The following RYR3 variants were observed in gnomAD, a reference collection of about 807,000 sequenced individuals.
The protein encoded by RYR3 is ryanodine receptor 3.
Under a neutral mutation model 584.3 loss-of-function variants are expected in RYR3, and 207 were observed. That is an observed-to-expected ratio of 0.35 (90% CI 0.32 to 0.40). RYR3 has a LOEUF of 0.40. Among genes scored for constraint, RYR3 ranks in the 10% least tolerant of loss-of-function variants. The pLI is 1.00. For synonymous variants in RYR3, 2,416 were observed against 2,248.5 expected (o/e 1.07, Z -2.11); for missense variants, 5,616 against 6,089.2 (o/e 0.92, Z 2.59).
chr15:33,552,671 A>ATG (rs1226776451), intron 10 of RYR3, among the ~76,000 whole-genome samples: 1 of 152,174 alleles, frequency 6.6e-6, no homozygotes, highest in Non-Finnish European at 1.5e-5. Context: ...TTCCCACTGG[A>ATG]TGTCAGGGTT....
intron 43 of RYR3, among the ~76,000 whole-genome samples, chr15:33,708,281 A>G (rs574780109): frequency 6.6e-6 from 1 of 152,348 alleles, no homozygotes; most frequent in African/African-American, 2.4e-5. Flanking sequence ...TCGCCAAATT[A>G]TGTAAATAGA....
intron 8 of RYR3, among the ~76,000 whole-genome samples, chr15:33,545,452 C>T (rs763636428): frequency 6.6e-6 from 1 of 151,898 alleles, no homozygotes; most frequent in Non-Finnish European, 1.5e-5. Flanking sequence ...TGAAGGTGAC[C>T]TTTCTTTAGC....
chr15:33,728,799 A>G (rs1436722581), intron 46 of RYR3, 58 bp from the exon 47 acceptor site: 2 of 1,515,154 alleles, frequency 1.3e-6, no homozygotes, highest in African/African-American at 2.8e-5. Flanking sequence ...GCTCTGTGTT[A>G]TCTTTTGAGA....
intron 1 of RYR3, among the ~76,000 whole-genome samples, chr15:33,429,113 T>A (rs2044900632): frequency 1.3e-5 from 2 of 152,144 alleles, no homozygotes; most frequent in Non-Finnish European, 2.9e-5. Flanking sequence ...CTTCGTCTTC[T>A]CATACTCCCT....
At chr15:33,825,739 TTTTTTTTC>T (rs1455014345) in intron 82 of RYR3, 63 bp downstream of exon 82, 412 of 767,510 alleles carry the variant, frequency 5.4e-4, no homozygotes, top group East Asian at 2.4e-3. Flanking sequence ...TTTTTTTTTT[TTTTTTTTC>T]CCCATACAGA....
At chr15:33,628,299 C>T (rs545274633) in intron 20 of RYR3, among the ~76,000 whole-genome samples, 172 bp from the exon 21 acceptor site, 1 of 152,058 alleles carries the variant, frequency 6.6e-6, no homozygotes, top group Admixed American at 6.5e-5. Flanking sequence ...GAGAGGAAGC[C>T]AAGAAAGGAA....
At chr15:33,337,729 C>G (rs1971292351) in intron 1 of RYR3, among the ~76,000 whole-genome samples, 1 of 152,110 alleles carries the variant, frequency 6.6e-6, no homozygotes, top group South Asian at 2.1e-4. Flanking sequence ...GTTGAATATA[C>G]ACATTTCCTG....
rs1567010233 is a variant in RYR3, at chr15:33,314,941, C to CAAA, written c.51+3845_51+3846insAAA. ...AGAAAACAAACAACAAAAAAAAAAACCAAAAAAAAACAACAACAACAAAAA... is the reference window on the plus strand; with the variant it reads ...AGAAAACAAACAACAAAAAAAAAAACAAACAAAAAAAAACAACAACAACAAAAA... On this transcript the variant is annotated intron_variant, in intron 1 of 103. Transcript: ENST00000634891. Among the ~76,000 whole-genome samples, 130 of 95,838 alleles carry CAAA rather than the reference C, an allele frequency of 1.4e-3. No individual in the cohort carries two copies. In the Middle Eastern group the frequency reaches 0.026, roughly 19 times the overall value. 62.9% of individuals were successfully genotyped at this position (95,838 alleles called of 152,430 possible). A position where few individuals can be genotyped will look rare whatever the true frequency, so the allele number is the denominator to read the frequency against.
intron 60 of RYR3, among the ~76,000 whole-genome samples, chr15:33,765,306 CT>C (rs1183726924): frequency 6.6e-6 from 1 of 151,982 alleles, no homozygotes; most frequent in African/African-American, 2.4e-5. Flanking sequence ...ATGGACTAGA[CT>C]TTTAAGTAGC....
chr15:33,651,924 G>A (rs1326633621), intron 31 of RYR3, among the ~76,000 whole-genome samples: 1 of 152,198 alleles, frequency 6.6e-6, no homozygotes, highest in African/African-American at 2.4e-5. Context: ...GGGGCTCTGA[G>A]AATCACCTCT....
chr15:33,610,619 T>C (rs1461491273), intron 18 of RYR3, among the ~76,000 whole-genome samples: 1 of 152,214 alleles, frequency 6.6e-6, no homozygotes, highest in Non-Finnish European at 1.5e-5. Context: ...ATTTTACCAT[T>C]TAAAAATTCA....
rs571885740 is a variant in RYR3, at chr15:33,761,482, A to G, written c.8705+3886A>G. On this transcript the variant is annotated intron_variant, in intron 60 of 103. Coordinates refer to ENST00000634891, the MANE Select transcript of RYR3 (RefSeq NM_001036.6). ...GAATACTACAAACACATCTATGCAAATAAGCTAGAAAAATCTAGAATAAAT... is the reference window on the plus strand; with the variant it reads ...GAATACTACAAACACATCTATGCAAGTAAGCTAGAAAAATCTAGAATAAAT... Among the ~76,000 whole-genome samples the G allele has an allele frequency of 3.8e-4, 58 of 152,368 alleles. No individual in the cohort carries two copies. The South Asian group carries it at 0.012, about 31-fold the overall frequency.
intron 93 of RYR3, among the ~76,000 whole-genome samples, chr15:33,846,457 T>C (rs2078728799): frequency 6.6e-6 from 1 of 152,200 alleles, no homozygotes; most frequent in African/African-American, 2.4e-5. Context: ...CCAGATCTAG[T>C]TCTGCTACAT....
intron 74 of RYR3, 62 bp downstream of exon 74, chr15:33,813,641 A>G: frequency 7.8e-7 from 1 of 1,281,686 alleles, no homozygotes. Context: ...GTATCCTCCC[A>G]CAGCTGTGCT....
intron 74 of RYR3, among the ~76,000 whole-genome samples, chr15:33,814,060 A>G (rs2076680402): frequency 6.6e-6 from 1 of 152,250 alleles, no homozygotes; most frequent in South Asian, 2.1e-4. Context: ...GTCAAAATAT[A>G]GAAAGGCTGC....
At chr15:33,767,208 T>G (rs999662702) in intron 60 of RYR3, among the ~76,000 whole-genome samples, 3 of 152,054 alleles carry the variant, frequency 2.0e-5, no homozygotes, top group African/African-American at 7.3e-5. Context: ...ACAGAGCAGT[T>G]AAGGGGCTTC....
intron 1 of RYR3, among the ~76,000 whole-genome samples, chr15:33,363,737 G>A (rs954329120): frequency 6.6e-6 from 1 of 152,136 alleles, no homozygotes; most frequent in Admixed American, 6.5e-5. Flanking sequence ...TAACAGATGG[G>A]TTCTCACACT....
In RYR3 at chr15:33,838,121, G is replaced by T. The variant is rs750104442; in HGVS notation, c.12141G>T (p.Glu4047Asp). ...GAKKIERVYFEISESSRTQWE... is the reference protein window; with the variant it reads ...GAKKIERVYFDISESSRTQWE... ...AGAAGATTGAGCGTGTTTATTTTGA[G>T]ATCAGTGAATCCAGTCGCACTCAGT... Residue 4047 changes from glutamate to aspartate, a missense_variant, in exon 89 of 104, where the codon GAG (glutamate) becomes GAT (aspartate). Physicochemically the swap from Glu to Asp is conservative, Grantham distance 45. Around this residue, in one of 9 missense-constraint regions of RYR3, gnomAD observed 258 missense variants for 297.3 expected, o/e 0.87. Transcript: ENST00000634891. The T allele has an allele frequency of 6.2e-7, 1 of 1,613,990 alleles. No homozygotes were observed. The highest frequency in any genetic ancestry group is 1.7e-5 in the Admixed American group (1 of 60,018).
At chr15:33,395,818 C>T (rs376365940) in intron 1 of RYR3, among the ~76,000 whole-genome samples, 4 of 152,308 alleles carry the variant, frequency 2.6e-5, no homozygotes, top group East Asian at 1.9e-4. Context: ...TCTGTAGTTG[C>T]GGAGCATTGG....
Sources: allele counts gnomAD v4.1 joint callset (sites outside exome capture counted in the v4.1 genomes callset), GRCh38; gene constraint gnomAD v4.1.1; regional missense constraint gnomAD v4.1.1; transcripts MANE v1.5; gene names NCBI Gene and HGNC (gene_info 2026-07-23, HGNC 2026-07-21).